Variants in RHBDD1 observed in about 807,000 individuals in gnomAD.
The protein encoded by RHBDD1 is rhomboid-related protein 4.
A neutral mutation model predicts 36.3 loss-of-function variants in RHBDD1; 38 were observed. The observed-to-expected ratio is 1.05, with a 90% CI of 0.81 to 1.37. RHBDD1 has a LOEUF of 1.37. RHBDD1 is among the 40% of genes most tolerant of loss of function. The pLI is 0.00. For missense variants in RHBDD1, 393 were observed against 377.6 expected, an observed-to-expected ratio of 1.04 and a Z score of -0.34; for synonymous variants, 151 against 136.5, an observed-to-expected ratio of 1.11 and a Z score of -0.74.
intron 8 of RHBDD1, among the ~76,000 whole-genome samples, chr2:226,941,488 C>T (rs951868401): frequency 6.6e-6 from 1 of 152,114 alleles, no homozygotes; most frequent in Admixed American, 6.6e-5. Flanking sequence ...TTGTTATATG[C>T]GTGCTGTGAT....
chr2:226,927,794 G>A (rs1949763972), intron 8 of RHBDD1, among the ~76,000 whole-genome samples: 1 of 151,824 alleles, frequency 6.6e-6, no homozygotes, highest in Non-Finnish European at 1.5e-5. Flanking sequence ...ACTTTTAATT[G>A]GATTGTTTGT....
intron 3 of RHBDD1, among the ~76,000 whole-genome samples, chr2:226,844,978 T>G (rs1330543484): frequency 6.6e-6 from 1 of 152,214 alleles, no homozygotes; most frequent in East Asian, 1.9e-4. Flanking sequence ...TATATAACAC[T>G]TTTAAAAGGT....
Position 226,864,601 on chromosome 2 carries a change from T to C in RHBDD1, c.-90-3T>C. On this transcript the variant is annotated splice_polypyrimidine_tract_variant and splice_region_variant and intron_variant, in intron 3 of 8. Transcript: ENST00000392062. ...GGTTTTTCACATGCATTTTGTGTTT[T>C]AGGTTCAGCCGTCTGTATATCTCCC... is the stretch of plus-strand genomic sequence containing the variant. The C allele has an allele frequency of 1.0e-6, 1 of 981,100 alleles. No homozygotes were observed. The highest frequency in any genetic ancestry group is 1.6e-5 in the South Asian group (1 of 64,210). 60.8% of individuals were successfully genotyped at this position (981,100 alleles called of 1,614,324 possible). A position where few individuals can be genotyped will look rare whatever the true frequency, so the allele number is the denominator to read the frequency against.
chr2:226,858,185 A>G (rs1161216099), intron 3 of RHBDD1, among the ~76,000 whole-genome samples: 2 of 152,284 alleles, frequency 1.3e-5, no homozygotes, highest in East Asian at 1.9e-4. Flanking sequence ...ATTTTCCCCT[A>G]TTTCTTAGAA....
At chr2:226,879,571 C>CA (rs994318863) in intron 5 of RHBDD1, among the ~76,000 whole-genome samples, 14 of 151,094 alleles carry the variant, frequency 9.3e-5, no homozygotes, top group South Asian at 2.1e-4. Context: ...TTTAAAAATG[C>CA]AAAAAAAGGG....
At position 226,998,487 on chromosome 2, in the gene RHBDD1, G is replaced by A. The variant is rs1384075790; in HGVS notation, c.*2965G>A. 1 of 152,138 alleles carries A rather than the reference G, an allele frequency of 6.6e-6. No individual in the cohort carries two copies. Among genetic ancestry groups the A allele is most frequent in the African/African-American group, 2.4e-5 (1 of 41,424 alleles). The allele number at this position is 152,138 out of a possible 1,614,324, so 9.4% of individuals were successfully genotyped here. A position where few individuals can be genotyped will look rare whatever the true frequency, so the allele number is the denominator to read the frequency against. ...TTTTTCTTGAGAGATTCAGTATTCA[G>A]TAAAGAATAGCATTCAATTAGTCAA... On this transcript the variant is annotated 3_prime_UTR_variant, in exon 9 of 9. Transcript: ENST00000392062.
intron 3 of RHBDD1, among the ~76,000 whole-genome samples, chr2:226,842,321 T>C (rs1048942718): frequency 6.6e-6 from 1 of 152,172 alleles, no homozygotes; most frequent in South Asian, 2.1e-4. Flanking sequence ...ATTTTTGCTT[T>C]TGTTGCAATT....
the RHBDD1 span, among the ~76,000 whole-genome samples, chr2:226,811,827 T>C: frequency 1.3e-5 from 2 of 152,246 alleles, no homozygotes; most frequent in African/African-American, 4.8e-5. Context: ...AGTTTGCATT[T>C]ATTGATTGCT....
chr2:226,892,209 A>T (rs990210839), intron 5 of RHBDD1, among the ~76,000 whole-genome samples: 1 of 152,256 alleles, frequency 6.6e-6, no homozygotes, highest in Admixed American at 6.5e-5. Context: ...CCTTACAGAC[A>T]TACCAGTAAA....
intron 7 of RHBDD1, among the ~76,000 whole-genome samples, chr2:226,912,723 G>C (rs2125694849): frequency 6.6e-6 from 1 of 152,212 alleles, no homozygotes; most frequent in South Asian, 2.1e-4. Context: ...GGTGAGGATT[G>C]TTAGCTAAAG....
chr2:226,900,394 T>A (rs1198759474), intron 5 of RHBDD1, among the ~76,000 whole-genome samples: 1 of 152,220 alleles, frequency 6.6e-6, no homozygotes, highest in East Asian at 1.9e-4. Context: ...CATTGTATGA[T>A]CTGTGTAGCT....
rs867352410 is a variant in RHBDD1, at chr2:226,859,735, A to G, written c.-90-4869A>G. Reference sequence around the variant, plus strand: ...GCAGAGACGAGCTTGAGATGAGACCATAGTGGCGGGCAGGGAACTGGTGAT... The same window carrying G: ...GCAGAGACGAGCTTGAGATGAGACCGTAGTGGCGGGCAGGGAACTGGTGAT... On this transcript the variant is annotated intron_variant, in intron 3 of 8. Transcript: ENST00000392062. Among the ~76,000 whole-genome samples the G allele has an allele frequency of 5.9e-5, 9 of 152,330 alleles. No homozygotes were observed. In the South Asian group the frequency reaches 1.9e-3, roughly 32 times the overall value.
At chr2:226,890,702 T>C (rs1198240120) in intron 5 of RHBDD1, among the ~76,000 whole-genome samples, 1 of 152,216 alleles carries the variant, frequency 6.6e-6, no homozygotes, top group Non-Finnish European at 1.5e-5. Context: ...TTTAAAATGC[T>C]TGGATGAATG....
chr2:226,827,649 CCAGCTCTAG>C, the RHBDD1 span, among the ~76,000 whole-genome samples: 1 of 152,188 alleles, frequency 6.6e-6, no homozygotes, highest in Non-Finnish European at 1.5e-5. Flanking sequence ...TCCCATCTCT[CCAGCTCTAG>C]TCAATGTCTT....
At chr2:226,828,361 T>C in the RHBDD1 span, among the ~76,000 whole-genome samples, 1 of 152,258 alleles carries the variant, frequency 6.6e-6, no homozygotes, top group African/African-American at 2.4e-5. Context: ...TTGCCTATTA[T>C]GAATAATGCT....
chr2:226,888,490 A>T (rs1195738580), intron 5 of RHBDD1, among the ~76,000 whole-genome samples: 1 of 152,180 alleles, frequency 6.6e-6, no homozygotes, highest in Non-Finnish European at 1.5e-5. Context: ...CTCCTGTAAA[A>T]AAGGTCTAGA....
rs534927090 is a variant in RHBDD1, at chr2:226,900,985, C to T, written c.567-5808C>T. On this transcript the variant is annotated intron_variant, in intron 5 of 8. Coordinates refer to ENST00000392062, the MANE Select transcript of RHBDD1 (RefSeq NM_001167608.3). ...TATATTAGCTCTCTTACTTATTCAT[C>T]GTATAACTGAAAGTTTGTAGCCTTT... Among the ~76,000 whole-genome samples, 13 of 152,282 alleles carry T rather than the reference C, an allele frequency of 8.5e-5. No homozygotes were observed. The South Asian group carries it at 2.5e-3, about 29-fold the overall frequency.
At chr2:226,829,468 A>G in the RHBDD1 span, among the ~76,000 whole-genome samples, 10 of 152,306 alleles carry the variant, frequency 6.6e-5, no homozygotes, top group African/African-American at 2.4e-4. Context: ...AAGGAGTGTC[A>G]TTTGAACAAT....
At chr2:226,926,191 AAC>A (rs1291896339) in intron 8 of RHBDD1, among the ~76,000 whole-genome samples, 2 of 151,228 alleles carry the variant, frequency 1.3e-5, no homozygotes, top group African/African-American at 4.9e-5. Context: ...CATCCTGGCT[AAC>A]ACAGTGAAAC....
Sources: gnomAD v4.1 joint callset for allele counts (sites outside exome capture counted in the v4.1 genomes callset) on GRCh38, gnomAD v4.1.1 for gene constraint, MANE v1.5 for transcripts, NCBI Gene and HGNC (gene_info 2026-07-23, HGNC 2026-07-21) for gene names.